Variants in PI4KB observed in about 807,000 individuals in gnomAD.
PI4KB encodes PtdIns 4-kinase beta.
A neutral mutation model predicts 81.4 loss-of-function variants in PI4KB; 23 were observed. That is an observed-to-expected ratio of 0.28 (90% CI 0.20 to 0.40). The LOEUF (loss-of-function observed/expected upper bound fraction) is 0.40, where lower values mean the gene tolerates loss of function less well. Ranked by LOEUF, PI4KB falls within the 10% of genes least tolerant of loss-of-function variation. The probability of loss-of-function intolerance (pLI) is 1.00; values close to 1 mark genes in which losing one functional copy is unlikely to be tolerated. For missense variants in PI4KB, 651 were observed against 1,036.6 expected (o/e 0.63, Z 5.11); for synonymous variants, 381 against 406.8 (o/e 0.94, Z 0.76).
intron 1 of PI4KB, among the ~76,000 whole-genome samples, chr1:151,319,197 G>GC (rs1337584188): frequency 6.6e-6 from 1 of 151,998 alleles, no homozygotes; most frequent in African/African-American, 2.4e-5. Flanking sequence ...TTGAGGCCGG[G>GC]CACAGTGACT....
Position 151,310,238 on chromosome 1 carries a change from G to A in PI4KB, c.927C>T (p.Thr309=), listed in dbSNP as rs373749804. The A allele has an allele frequency of 2.1e-5, 34 of 1,607,566 alleles. No individual in the cohort carries two copies. Among genetic ancestry groups the A allele is most frequent in the Non-Finnish European group, 2.5e-5 (29 of 1,177,274 alleles). ...AACTGAATGAATTATCAATACTCTC[G>A]GTGCTGGAGGAGAGCTCCTGGGAAA... ...ENEDEELSSS[T]ESIDNSFSSP... is the part of the protein sequence containing the mutation. Residue 309 remains threonine, a synonymous_variant, in exon 3 of 12, where the codon ACC becomes ACT. Transcript: ENST00000368873.
Position 151,310,270 on chromosome 1 carries a change from G to T in PI4KB, c.910-15C>A. On this transcript the variant is annotated splice_polypyrimidine_tract_variant and intron_variant, in intron 2 of 11. Coordinates refer to ENST00000368873, the MANE Select transcript of PI4KB (RefSeq NM_001369623.2). The stretch of plus-strand genomic sequence containing the variant: ...GAGGAGAGCTCCTGGGAAAGGGCCA[G>T]AGGGCAAAGGGAGAAGGAGGGGGTG... 6.5e-7 allele frequency: 1 copy of T among 1,533,392 alleles called. No homozygotes were observed. Among genetic ancestry groups the T allele is most frequent in the Non-Finnish European group, 9.0e-7 (1 of 1,116,274 alleles). The allele number at this position is 1,533,392 out of a possible 1,614,324, so 95.0% of individuals were successfully genotyped here.
chr1:151,326,328 C>T lies in PI4KB; in HGVS notation c.-29+943G>A, dbSNP rs150224682. On this transcript the variant is annotated intron_variant, in intron 1 of 11. Transcript: ENST00000368873. ...ACGGCCTGAGGCAGCTGAGGCTCCC[C>T]CTGCTCACAACACATTTTTCTTCTT... is the stretch of plus-strand genomic sequence containing the variant. The T allele has an allele frequency of 6.0e-6, 4 of 668,396 alleles. No individual in the cohort carries two copies. In the East Asian group the frequency reaches 1.1e-4, roughly 19 times the overall value. The allele number at this position is 668,396 out of a possible 1,614,324, so 41.4% of individuals were successfully genotyped here.
chr1:151,318,730 A>ATAAG (rs2102004799), intron 1 of PI4KB, among the ~76,000 whole-genome samples: 1 of 151,888 alleles, frequency 6.6e-6, no homozygotes, highest in African/African-American at 2.4e-5. Flanking sequence ...AAATAAATAA[A>ATAAG]TAAATAAATA....
chr1:151,298,946 G>A lies in PI4KB; in HGVS notation c.1877C>T (p.Ser626Leu), dbSNP rs1695023688. ...AVSIHQVKKQSQLSLLDYFLQ... is the reference protein window; with the variant it reads ...AVSIHQVKKQLQLSLLDYFLQ... ...GAAGTAATCGAGCAAGGAGAGCTGT[G>A]ACTGTTTCTTCACCTGATGGATGGA... is the stretch of plus-strand genomic sequence containing the variant. Residue 626 changes from serine to leucine, a missense_variant, in exon 9 of 12, where the codon TCA becomes TTA. Ser to Leu is a moderately radical substitution (Grantham distance 145). Coordinates refer to ENST00000368873, the MANE Select transcript of PI4KB (RefSeq NM_001369623.2). 6.2e-7 allele frequency: 1 copy of A among 1,614,076 alleles called. No homozygotes were observed. Among genetic ancestry groups the A allele is most frequent in the Non-Finnish European group, 8.5e-7 (1 of 1,180,042 alleles).
At chr1:151,324,897 T>C in intron 1 of PI4KB, 8 of 985,222 alleles carry the variant, frequency 8.1e-6, no homozygotes, top group Non-Finnish European at 9.6e-6. Context: ...TTCAGCATTC[T>C]CATGGAGCGT....
chr1:151,302,433 A>C, intron 6 of PI4KB, 135 bp from the exon 7 acceptor site: 1 of 638,700 alleles, frequency 1.6e-6, no homozygotes. Flanking sequence ...AAAGGGACTC[A>C]TGGAAGAAAA....
rs374403591 is a variant in PI4KB, at chr1:151,324,906, G to A, written c.-29+2365C>T. 6.1e-4 allele frequency: 601 copies of A among 984,760 alleles called. 7 individuals are homozygous for A. In the South Asian group the frequency reaches 0.025, roughly 41 times the overall value. The allele number at this position is 984,760 out of a possible 1,614,324, so 61.0% of individuals were successfully genotyped here. A position where few individuals can be genotyped will look rare whatever the true frequency, so the allele number is the denominator to read the frequency against. Reference sequence around the variant, plus strand: ...ATGGTGTTCAGCATTCTCATGGAGCGTGGACTCAACTCTAAGAAGAAAGCA... The same window carrying A: ...ATGGTGTTCAGCATTCTCATGGAGCATGGACTCAACTCTAAGAAGAAAGCA... On this transcript the variant is annotated intron_variant, in intron 1 of 11. Coordinates refer to ENST00000368873, the MANE Select transcript of PI4KB (RefSeq NM_001369623.2).
intron 6 of PI4KB, among the ~76,000 whole-genome samples, chr1:151,303,037 C>T (rs1244197143): frequency 2.9e-4 from 37 of 127,704 alleles, no homozygotes; most frequent in African/African-American, 7.5e-4. Flanking sequence ...CTCGTTCTGT[C>T]GCCCAGGCTG....
At chr1:151,321,316 GAGA>G (rs1648809604) in intron 1 of PI4KB, among the ~76,000 whole-genome samples, 2 of 152,332 alleles carry the variant, frequency 1.3e-5, no homozygotes, top group African/African-American at 2.4e-5. Flanking sequence ...AAGTCATATG[GAGA>G]AGAAGGTGTT....
Position 151,303,660 on chromosome 1 carries a change from G to C in PI4KB, c.1411-10C>G, listed in dbSNP as rs1329747821. The C allele has an allele frequency of 6.3e-7, 1 of 1,579,878 alleles. No homozygotes were observed. Among genetic ancestry groups the C allele is most frequent in the Non-Finnish European group, 8.7e-7 (1 of 1,148,882 alleles). ...TATGCACTTCGGGGAGCTGGAGAAA[G>C]GGGAGTGCTGGTCAGAAGTGCTAAA... On this transcript the variant is annotated splice_polypyrimidine_tract_variant and intron_variant, in intron 5 of 11. Coordinates refer to ENST00000368873, the MANE Select transcript of PI4KB (RefSeq NM_001369623.2).
rs761452572 is a variant in PI4KB, at chr1:151,316,116, G to A, written c.366C>T (p.Asn122=). 7 of 1,614,104 alleles carry A rather than the reference G, an allele frequency of 4.3e-6. No individual in the cohort carries two copies. Among genetic ancestry groups the A allele is most frequent in the Admixed American group, 1.7e-5 (1 of 60,026 alleles). Residue 122 remains asparagine, a synonymous_variant, in exon 2 of 12, where the codon AAC becomes AAT. Coordinates refer to ENST00000368873, the MANE Select transcript of PI4KB (RefSeq NM_001369623.2). The part of the protein sequence containing the change: ...TAKGARRRRQ[N]NSAKQSWLLR... The stretch of plus-strand genomic sequence containing the variant: ...GCAGCCAAGACTGTTTAGCTGAGTT[G>A]TTCTGCCGCCGTCTTCTTGCTCCTT...
chr1:151,327,360 C>T lies in PI4KB; in HGVS notation c.-118G>A. The T allele has an allele frequency of 2.5e-6, 1 of 397,288 alleles. No individual in the cohort carries two copies. The highest frequency in any genetic ancestry group is 4.4e-6 in the Non-Finnish European group (1 of 225,672). The allele number at this position is 397,288 out of a possible 1,614,324, so 24.6% of individuals were successfully genotyped here. A position where few individuals can be genotyped will look rare whatever the true frequency, so the allele number is the denominator to read the frequency against. ...AGCAGCAGCGACCGCTCCCGGGTTC[C>T]ATTGGCCGCCTGCGCTTCCCTGACA... is the stretch of plus-strand genomic sequence containing the variant. On this transcript the variant is annotated 5_prime_UTR_variant, in exon 1 of 12. The change abolishes an upstream ATG in the 5' untranslated region. Transcript: ENST00000368873.
rs587695824 is a variant in PI4KB at position 151,301,895 on chromosome 1, C to T, written c.1698G>A (p.Gly566=). Residue 566 remains glycine, a synonymous_variant, in exon 8 of 12, where the codon GGG becomes GGA. Coordinates refer to ENST00000368873, the MANE Select transcript of PI4KB (RefSeq NM_001369623.2). ...WRLLSVIVKC[G]DDLRQELLAF... is the part of the protein sequence containing the mutation. ...CCAGAAGCTCTTGCCGAAGGTCATC[C>T]CCACACTTGACAATGACTGACAGGA... 1.9e-6 allele frequency: 3 copies of T among 1,614,136 alleles called. No individual in the cohort carries two copies. The highest frequency in any genetic ancestry group is 2.7e-5 in the African/African-American group (2 of 75,062).
At position 151,306,236 on chromosome 1, in the gene PI4KB, A is replaced by G. The variant is rs890184716; in HGVS notation, c.1310T>C (p.Ile437Thr). 1 of 1,613,998 alleles carries G rather than the reference A, an allele frequency of 6.2e-7. No homozygotes were observed. Among genetic ancestry groups the G allele is most frequent in the African/African-American group, 1.3e-5 (1 of 74,882 alleles). The part of the protein sequence containing the change: ...RSVENLPECG[I>T]THEQRAGSFS... ...GCTGCCAGCTCGCTGCTCATGGGTA[A>G]TACCACATTCGGGCAAGTTTTCTAC... The change falls in exon 5 of 12, where the codon ATT becomes ACT. Residue 437 changes from isoleucine to threonine, a missense_variant. By Grantham distance (89) the Ile-to-Thr change is moderately conservative (BLOSUM62 -1). Around this residue, in one of 5 missense-constraint regions of PI4KB, gnomAD observed 246 missense variants for 430.1 expected, o/e 0.57. Transcript: ENST00000368873.
At chr1:151,326,905 A>G (rs1473373419) in intron 1 of PI4KB, among the ~76,000 whole-genome samples, 4 of 152,154 alleles carry the variant, frequency 2.6e-5, no homozygotes, top group Non-Finnish European at 5.9e-5. Flanking sequence ...TCCATGGAAA[A>G]GGTTTGGGGC....
intron 1 of PI4KB, among the ~76,000 whole-genome samples, chr1:151,323,710 C>G (rs756154091): frequency 9.2e-5 from 14 of 152,000 alleles, no homozygotes; most frequent in Non-Finnish European, 1.8e-4. Context: ...GGCGACAGAA[C>G]GAGACTCCAT....
At chr1:151,293,074 GA>G in intron 11 of PI4KB, 41 bp from the exon 12 acceptor site, 1 of 1,605,058 alleles carries the variant, frequency 6.2e-7, no homozygotes, top group Non-Finnish European at 8.5e-7. Flanking sequence ...GGATGGACGG[GA>G]GGGGCAGTGG....
chr1:151,306,722 A>G (rs1695789573), intron 4 of PI4KB, among the ~76,000 whole-genome samples: 1 of 152,212 alleles, frequency 6.6e-6, no homozygotes, highest in African/African-American at 2.4e-5. Context: ...GTGGACAAAA[A>G]GACTGGGACA....
Sources: gnomAD v4.1 joint callset for allele counts (sites outside exome capture counted in the v4.1 genomes callset) on GRCh38, gnomAD v4.1.1 for gene constraint, gnomAD v4.1.1 regional missense constraint, MANE v1.5 for transcripts, NCBI Gene and HGNC (gene_info 2026-07-23, HGNC 2026-07-21) for gene names.